GMDS: variants seen among roughly 807,000 people sequenced by gnomAD.
GMDS encodes the protein GDP-mannose 4,6 dehydratase.
GMDS carries 20 observed loss-of-function variants against 49.9 expected under a neutral mutation model. The ratio of observed to expected loss-of-function variants is 0.40; its 90% CI spans 0.28 to 0.58. The LOEUF is 0.58. Ranked by LOEUF, GMDS falls within the 20% of genes least tolerant of loss-of-function variation. The pLI, the probability that GMDS is intolerant of heterozygous loss-of-function variation, is 0.42. For synonymous variants in GMDS, 177 were observed against 178.6 expected (o/e 0.99, Z 0.07); for missense variants, 362 against 481.4 (o/e 0.75, Z 2.32).
chr6:1,692,607 G>A (rs1342507775), intron 9 of GMDS, among the ~76,000 whole-genome samples: 1 of 152,010 alleles, frequency 6.6e-6, no homozygotes, highest in Non-Finnish European at 1.5e-5. Context: ...CTGTTTTTCT[G>A]TTTCATATTA....
At chr6:1,996,570 AT>A (rs1255685922) in intron 4 of GMDS, among the ~76,000 whole-genome samples, 3 of 152,026 alleles carry the variant, frequency 2.0e-5, no homozygotes, top group African/African-American at 7.3e-5. Context: ...TAGGGACGTT[AT>A]TTTTTTCTAT....
chr6:1,940,182 C>A (rs904068780), intron 6 of GMDS, among the ~76,000 whole-genome samples: 1 of 152,136 alleles, frequency 6.6e-6, no homozygotes, highest in Non-Finnish European at 1.5e-5. Flanking sequence ...TATGTGCATG[C>A]ATGCATGCAT....
At chr6:1,967,727 T>C (rs1764349470) in intron 4 of GMDS, among the ~76,000 whole-genome samples, 1 of 151,988 alleles carries the variant, frequency 6.6e-6, no homozygotes. Flanking sequence ...CAGGGGCGAG[T>C]AGCAAAGCCA....
intron 7 of GMDS, among the ~76,000 whole-genome samples, chr6:1,785,773 G>C (rs1454183804): frequency 6.6e-6 from 1 of 152,236 alleles, no homozygotes; most frequent in Non-Finnish European, 1.5e-5. Flanking sequence ...CTCCAATGTG[G>C]TCGTATTTAG....
chr6:1,742,650 G>T, intron 7 of GMDS, 64 bp from the exon 8 acceptor site: 1 of 849,498 alleles, frequency 1.2e-6, no homozygotes, highest in Non-Finnish European at 2.0e-6. Context: ...TTGTTTTCCA[G>T]TGCACATAAT....
chr6:2,031,181 A>G (rs1465140174), intron 4 of GMDS, among the ~76,000 whole-genome samples: 1 of 152,226 alleles, frequency 6.6e-6, no homozygotes, highest in African/African-American at 2.4e-5. Context: ...TTTGAATTTC[A>G]AACAAGCTCC....
intron 4 of GMDS, among the ~76,000 whole-genome samples, chr6:2,019,525 T>C (rs1768127455): frequency 6.6e-6 from 1 of 152,070 alleles, no homozygotes; most frequent in Non-Finnish European, 1.5e-5. Flanking sequence ...TGCAATGGCA[T>C]GATCTCAGCT....
intron 9 of GMDS, among the ~76,000 whole-genome samples, chr6:1,636,250 G>C (rs979067808): frequency 2.0e-5 from 3 of 152,110 alleles, no homozygotes; most frequent in African/African-American, 7.2e-5. Flanking sequence ...CTAGAGTGTG[G>C]GATAGTTCTA....
intron 1 of GMDS, among the ~76,000 whole-genome samples, chr6:2,211,062 G>C (rs1780040961): frequency 6.6e-6 from 1 of 152,056 alleles, no homozygotes; most frequent in African/African-American, 2.4e-5. Context: ...AGCCTCCCAG[G>C]CATACTCCCT....
At chr6:2,065,151 C>A (rs571862123) in intron 4 of GMDS, among the ~76,000 whole-genome samples, 1 of 152,152 alleles carries the variant, frequency 6.6e-6, no homozygotes, top group Non-Finnish European at 1.5e-5. Context: ...AGGCACCCCC[C>A]AGCAGGGGCA....
chr6:2,216,949 C>A (rs935928132), intron 1 of GMDS, among the ~76,000 whole-genome samples: 3 of 152,148 alleles, frequency 2.0e-5, no homozygotes, highest in African/African-American at 7.2e-5. Flanking sequence ...GTTCCTACTC[C>A]AGGACACTTC....
intron 7 of GMDS, among the ~76,000 whole-genome samples, chr6:1,813,377 G>A (rs572263939): frequency 6.6e-6 from 1 of 152,120 alleles, no homozygotes; most frequent in East Asian, 1.9e-4. Flanking sequence ...TGAAGGTTCA[G>A]AAGAGAAACC....
rs1223084809 is a variant in GMDS, at chr6:2,245,464, G to A, written c.-42C>T. Reference sequence around the variant, plus strand: ...GCGGTCGGCGGCAGGGCGGAGCGCGGCAGAGGGCAGGCGCGGTGCCGGCAG... The same window carrying A: ...GCGGTCGGCGGCAGGGCGGAGCGCGACAGAGGGCAGGCGCGGTGCCGGCAG... On this transcript the variant is annotated 5_prime_UTR_variant, in exon 1 of 11. Transcript: ENST00000380815. 4.1e-6 allele frequency: 5 copies of A among 1,206,678 alleles called. No homozygotes were observed. Among genetic ancestry groups the A allele is most frequent in the Non-Finnish European group, 5.4e-6 (5 of 919,920 alleles). 74.7% of individuals were successfully genotyped at this position (1,206,678 alleles called of 1,614,324 possible).
chr6:2,164,217 T>A (rs1581734987), intron 1 of GMDS, among the ~76,000 whole-genome samples: 1 of 152,300 alleles, frequency 6.6e-6, no homozygotes, highest in South Asian at 2.1e-4. Flanking sequence ...CAACTTCACG[T>A]TTCTTCCACC....
intron 4 of GMDS, among the ~76,000 whole-genome samples, chr6:2,004,220 G>T (rs187808753): frequency 2.3e-4 from 35 of 152,264 alleles, no homozygotes; most frequent in Non-Finnish European, 4.1e-4. Flanking sequence ...AGTACTTATT[G>T]GTCATACAAC....
chr6:1,667,548 A>G (rs1161121092), intron 9 of GMDS, among the ~76,000 whole-genome samples: 8 of 152,168 alleles, frequency 5.3e-5, no homozygotes, highest in African/African-American at 1.9e-4. Context: ...TTACAACACC[A>G]AGGGGATTTG....
At chr6:1,687,827 G>A (rs1253922362) in intron 9 of GMDS, among the ~76,000 whole-genome samples, 1 of 152,128 alleles carries the variant, frequency 6.6e-6, no homozygotes, top group African/African-American at 2.4e-5. Context: ...TGTGGTTGGA[G>A]AGAGGGCATG....
At position 1,936,275 on chromosome 6, in the gene GMDS, G is replaced by A. The variant is rs565264746; in HGVS notation, c.644-6045C>T. 5.7e-4 allele frequency among the ~76,000 whole-genome samples: 87 copies of A among 152,300 alleles called. 1 individual carries two copies. Among genetic ancestry groups the A allele is most frequent in the African/African-American group, 2.1e-3 (86 of 41,558 alleles). Reference sequence around the variant, plus strand: ...CAAGGCTCAATGTGAGCAGTGGCAAGAGGGCCAGCAGGCCTGCATGGACCC... The same window carrying A: ...CAAGGCTCAATGTGAGCAGTGGCAAAAGGGCCAGCAGGCCTGCATGGACCC... On this transcript the variant is annotated intron_variant, in intron 6 of 10. Transcript: ENST00000380815.
At chr6:1,923,379 A>G (rs1223532492) in intron 7 of GMDS, among the ~76,000 whole-genome samples, 1 of 152,202 alleles carries the variant, frequency 6.6e-6, no homozygotes, top group Non-Finnish European at 1.5e-5. Context: ...AACCGAGTTG[A>G]TAACACACTG....
Sources: allele counts gnomAD v4.1 joint callset (sites outside exome capture counted in the v4.1 genomes callset), GRCh38; gene constraint gnomAD v4.1.1; transcripts MANE v1.5; gene names NCBI Gene and HGNC (gene_info 2026-07-23, HGNC 2026-07-21).